Variants in ALMS1 observed in about 807,000 individuals in gnomAD.
ALMS1 encodes ALMS1 centrosome and basal body associated protein.
In ALMS1, 271 loss-of-function variants were observed where a neutral mutation model predicts 352.2. The ratio of observed to expected loss-of-function variants is 0.77; its 90% CI spans 0.70 to 0.85. The LOEUF (loss-of-function observed/expected upper bound fraction) is 0.85. Among genes scored for constraint, ALMS1 ranks in the 40% least tolerant of loss-of-function variants. ALMS1 has a pLI of 0.00. For synonymous variants in ALMS1, 1,865 were observed against 1,761.2 expected (o/e 1.06, Z -1.48); for missense variants, 5,445 against 4,870.7 (o/e 1.12, Z -3.51).
chr2:73,533,661 C>T (rs1673967253), intron 11 of ALMS1, among the ~76,000 whole-genome samples: 1 of 151,938 alleles, frequency 6.6e-6, no homozygotes, highest in African/African-American at 2.4e-5. Flanking sequence ...GGAAGTTGGA[C>T]ACGAGGTCAT....
At chr2:73,483,675 T>A (rs1270330008) in intron 9 of ALMS1, among the ~76,000 whole-genome samples, 1 of 151,212 alleles carries the variant, frequency 6.6e-6, no homozygotes, top group Non-Finnish European at 1.5e-5. Flanking sequence ...CAGTGGGGTG[T>A]TAAAGTCTCC....
chr2:73,410,041 G>T (rs1372966282), intron 2 of ALMS1, among the ~76,000 whole-genome samples: 3 of 152,186 alleles, frequency 2.0e-5, no homozygotes, highest in Non-Finnish European at 2.9e-5. Context: ...ACCCACATTG[G>T]AGAGGGTAAC....
chr2:73,498,595 CCTT>C (rs1673157268), intron 10 of ALMS1, among the ~76,000 whole-genome samples: 1 of 151,914 alleles, frequency 6.6e-6, no homozygotes, highest in African/African-American at 2.4e-5. Context: ...TGGTAACCAT[CCTT>C]CTACTCTCTA....
intron 7 of ALMS1, among the ~76,000 whole-genome samples, chr2:73,444,142 G>C (rs1202822456): frequency 6.6e-6 from 1 of 152,142 alleles, no homozygotes; most frequent in Non-Finnish European, 1.5e-5. Context: ...AGGGCAGGGA[G>C]GGAACCTGCG....
intron 2 of ALMS1, among the ~76,000 whole-genome samples, chr2:73,409,122 C>T (rs746207483): frequency 1.4e-4 from 22 of 152,140 alleles, no homozygotes; most frequent in African/African-American, 3.6e-4. Context: ...AATGATCCTT[C>T]GCCTTGGCCT....
chr2:73,593,415 A>G (rs1419512273), intron 16 of ALMS1, among the ~76,000 whole-genome samples: 4 of 152,044 alleles, frequency 2.6e-5, no homozygotes, highest in Admixed American at 2.6e-4. Context: ...TGTTTATTAC[A>G]TGAAGGCAAC....
At position 73,490,640 on chromosome 2, in the gene ALMS1, C is replaced by T. The variant is rs1168234364; in HGVS notation, c.8681C>T (p.Pro2894Leu). 1 of 1,614,050 alleles carries T rather than the reference C, an allele frequency of 6.2e-7. No homozygotes were observed. Among genetic ancestry groups the T allele is most frequent in the Non-Finnish European group, 8.5e-7 (1 of 1,180,034 alleles). The change falls in exon 10 of 23, where the codon CCA (proline) becomes CTA (leucine). Residue 2894 changes from proline (P) to leucine (L), a missense_variant. By Grantham distance (98) the Pro-to-Leu change is moderately conservative (BLOSUM62 -3). Coordinates refer to ENST00000613296, the MANE Select transcript of ALMS1 (RefSeq NM_001378454.1). Reference protein sequence around the residue: ...QRELFEQSKAPRADDHVRKHH... With the variant: ...QRELFEQSKALRADDHVRKHH... ...GAGCTCTTTGAACAAAGCAAAGCCC[C>T]ACGTGCAGATGACCATGTGAGGAAA...
At chr2:73,584,929 A>G (rs562989408) in intron 16 of ALMS1, among the ~76,000 whole-genome samples, 1 of 152,020 alleles carries the variant, frequency 6.6e-6, no homozygotes, top group South Asian at 2.1e-4. Context: ...ATGGTCTCCA[A>G]CTCCACATTG....
chr2:73,393,403 T>A (rs1019006090), intron 1 of ALMS1, among the ~76,000 whole-genome samples: 12 of 152,030 alleles, frequency 7.9e-5, no homozygotes, highest in Middle Eastern at 3.4e-3. Flanking sequence ...TTTTTTTTTT[T>A]AAATTTTATT....
intron 1 of ALMS1, among the ~76,000 whole-genome samples, chr2:73,395,830 G>A (rs971660746): frequency 2.6e-5 from 4 of 152,266 alleles, no homozygotes; most frequent in African/African-American, 9.6e-5. Flanking sequence ...ATATTCAATA[G>A]GAGGGGTAAG....
chr2:73,572,419 C>G lies in ALMS1; in HGVS notation c.10542C>G (p.Phe3514Leu). The change falls in exon 16 of 23, where the codon TTC becomes TTG. Residue 3514 changes from phenylalanine (F) to leucine (L), a missense_variant. Phe to Leu is a conservative substitution (Grantham distance 22). Transcript: ENST00000613296. ...SVFMRHSWKD[F>L]FQHHPDKHRE... ...TCATGAGACATTCTTGGAAAGATTTCTTTCAGCATCATCCAGACAAACATA... is the reference window on the plus strand; with the variant it reads ...TCATGAGACATTCTTGGAAAGATTTGTTTCAGCATCATCCAGACAAACATA... 1.9e-6 allele frequency: 3 copies of G among 1,611,766 alleles called. No homozygotes were observed. Among genetic ancestry groups the G allele is most frequent in the Non-Finnish European group, 2.5e-6 (3 of 1,179,524 alleles).
intron 15 of ALMS1, among the ~76,000 whole-genome samples, chr2:73,568,235 A>G (rs1479795798): frequency 6.6e-6 from 1 of 152,222 alleles, no homozygotes; most frequent in Non-Finnish European, 1.5e-5. Flanking sequence ...GGAAACATTC[A>G]TGTACTCTTA....
At chr2:73,477,123 G>A (rs994895829) in intron 9 of ALMS1, among the ~76,000 whole-genome samples, 7 of 152,030 alleles carry the variant, frequency 4.6e-5, no homozygotes, top group African/African-American at 1.4e-4. Flanking sequence ...TTTTGATTTA[G>A]TCCAATTTAT....
chr2:73,508,851 A>T (rs1478502247), intron 10 of ALMS1, among the ~76,000 whole-genome samples: 1 of 152,130 alleles, frequency 6.6e-6, no homozygotes, highest in Non-Finnish European at 1.5e-5. Context: ...ACCGTGTGGG[A>T]GTCTAAGTCT....
chr2:73,452,239 T>A lies in ALMS1; in HGVS notation c.5712T>A (p.Ile1904=). The A allele has an allele frequency of 1.2e-6, 2 of 1,614,056 alleles. No homozygotes were observed. The highest frequency in any genetic ancestry group is 2.2e-5 in the South Asian group (2 of 91,078). ...ACTCAAATAGAGAGAAGGCCAGTAT[T>A]TTTCATCAGCAGGAGTTGCCAGATG... is the stretch of plus-strand genomic sequence containing the variant. ...SSYSNREKAS[I]FHQQELPDVT... is the part of the protein sequence containing the mutation. Residue 1904 remains isoleucine, a synonymous_variant, in exon 8 of 23, where the codon ATT becomes ATA. Coordinates refer to ENST00000613296, the MANE Select transcript of ALMS1 (RefSeq NM_001378454.1).
chr2:73,473,668 AAAAG>A (rs1672514238), intron 9 of ALMS1, among the ~76,000 whole-genome samples: 1 of 151,212 alleles, frequency 6.6e-6, no homozygotes, highest in Non-Finnish European at 1.5e-5. Context: ...TTTCCCACCA[AAAAG>A]AAATATCGAC....
rs770879267 is a variant in ALMS1 at position 73,517,246 on chromosome 2, C to CTTTTTTT, written c.9540-2518_9540-2512dup. ...CAAGTGATTTTTTGAAAGTTTTAGT[C>CTTTTTTT]TTTTTTTTTTTTTTTTTCTTATAGA... On this transcript the variant is annotated intron_variant, in intron 10 of 22. Transcript: ENST00000613296. 9.4e-4 allele frequency among the ~76,000 whole-genome samples: 99 copies of CTTTTTTT among 104,960 alleles called. 2 individuals carry two copies. Among genetic ancestry groups the CTTTTTTT allele is most frequent in the Middle Eastern group, 5.3e-3 (1 of 190 alleles). 68.9% of individuals were successfully genotyped at this position (104,960 alleles called of 152,430 possible). A position where few individuals can be genotyped will look rare whatever the true frequency, so the allele number is the denominator to read the frequency against.
At position 73,419,123 on chromosome 2, in the gene ALMS1, A is replaced by G; in HGVS notation, c.451A>G (p.Lys151Glu). The G allele has an allele frequency of 6.2e-7, 1 of 1,613,226 alleles. No homozygotes were observed. The highest frequency in any genetic ancestry group is 1.7e-5 in the Admixed American group (1 of 60,010). The change falls in exon 3 of 23, where the codon AAA becomes GAA. Residue 151 changes from lysine to glutamate, a missense_variant and splice_region_variant. Physicochemically the swap from Lys to Glu is moderately conservative, Grantham distance 56 (BLOSUM62 1). Coordinates refer to ENST00000613296, the MANE Select transcript of ALMS1 (RefSeq NM_001378454.1). ...TAQRGSGDDQ[K>E]TESWHCLPQE... ...ATGTTTTCCTTTAACATTTTTCTAG[A>G]AAACAGAATCTTGGCATTGTCTTCC...
At chr2:73,405,773 G>C (rs1441556811) in intron 1 of ALMS1, among the ~76,000 whole-genome samples, 1 of 151,424 alleles carries the variant, frequency 6.6e-6, no homozygotes, top group East Asian at 1.9e-4. Context: ...TTTAATTTTT[G>C]TCTTAATGTA....
Sources: allele counts gnomAD v4.1 joint callset (sites outside exome capture counted in the v4.1 genomes callset), GRCh38; gene constraint gnomAD v4.1.1; transcripts MANE v1.5; gene names NCBI Gene and HGNC (gene_info 2026-07-23, HGNC 2026-07-21).